The following EBF3 variants were observed in gnomAD, a reference collection of about 807,000 sequenced individuals.
EBF3 encodes the protein transcription factor COE3.
EBF3 carries 18 observed loss-of-function variants against 77.1 expected under a neutral mutation model. The ratio of observed to expected loss-of-function variants is 0.23; its 90% CI spans 0.16 to 0.35. The LOEUF (loss-of-function observed/expected upper bound fraction) is 0.35. Ranked by LOEUF, EBF3 falls within the 10% of genes least tolerant of loss-of-function variation. EBF3 has a pLI of 1.00. For missense variants in EBF3, 558 were observed against 860.0 expected, an observed-to-expected ratio of 0.65 and a Z score of 4.39; for synonymous variants, 350 against 343.5, an observed-to-expected ratio of 1.02 and a Z score of -0.21.
intron 11 of EBF3, chr10:129,845,331 T>C (rs1564819427): frequency 6.6e-6 from 1 of 152,258 alleles, no homozygotes; most frequent in South Asian, 2.1e-4. Context: ...GCCACAACCA[T>C]AAGTGTAATT....
At chr10:129,860,276 A>T (rs1474822400) in intron 10 of EBF3, among the ~76,000 whole-genome samples, 1 of 152,014 alleles carries the variant, frequency 6.6e-6, no homozygotes, top group Middle Eastern at 3.4e-3. Context: ...GAGAAGGACC[A>T]TCGCAAGGTG....
chr10:129,959,966 A>C (rs1169912606), intron 4 of EBF3, among the ~76,000 whole-genome samples: 2 of 152,086 alleles, frequency 1.3e-5, no homozygotes, highest in Non-Finnish European at 1.5e-5. Context: ...GTGGGTTTTG[A>C]GCAGAGGCTC....
chr10:129,900,744 G>T (rs1029332838), intron 6 of EBF3, among the ~76,000 whole-genome samples: 2 of 152,258 alleles, frequency 1.3e-5, no homozygotes, highest in Non-Finnish European at 2.9e-5. Context: ...CGTAGCGGGG[G>T]TGCTCCTGAA....
intron 6 of EBF3, among the ~76,000 whole-genome samples, chr10:129,910,021 C>T (rs1332535445): frequency 6.6e-6 from 1 of 152,240 alleles, no homozygotes; most frequent in Admixed American, 6.5e-5. Flanking sequence ...TCCGCCGACA[C>T]CAGCAGACAG....
chr10:129,872,381 AT>A (rs1465887224), intron 8 of EBF3, among the ~76,000 whole-genome samples: 2 of 151,854 alleles, frequency 1.3e-5, no homozygotes, highest in East Asian at 3.9e-4. Context: ...TTAGTCATTA[AT>A]GTAGAAAAAC....
chr10:129,837,915 T>C lies in EBF3; in HGVS notation c.*28A>G, dbSNP rs190684721. The C allele has an allele frequency of 6.4e-4, 1,031 of 1,614,160 alleles. 12 individuals carry two copies. The East Asian group carries it at 0.017, about 26-fold the overall frequency. Reference sequence around the variant, plus strand: ...CTTTGATGCTGGGTGCTGCGGAAGGTAAACAGAAGTCCCTCACATTGGCGG... The same window carrying C: ...CTTTGATGCTGGGTGCTGCGGAAGGCAAACAGAAGTCCCTCACATTGGCGG... On this transcript the variant is annotated 3_prime_UTR_variant, in exon 17 of 17. Transcript: ENST00000440978.
rs1853477888 is a variant in EBF3 at position 129,885,089 on chromosome 10, A to C, written c.555-7240T>G. ...GTCCCTCCAAAGAGCCTTATCGCTA[A>C]ATTTCTGCTATAATGGTTTTTCTTT... On this transcript the variant is annotated intron_variant, in intron 6 of 16. Transcript: ENST00000440978. This position sits in a 1 kb window ranked among gnomAD's most constrained non-coding sequence, Gnocchi z 4.0. 6.6e-6 allele frequency among the ~76,000 whole-genome samples: 1 copy of C among 152,158 alleles called. No homozygotes were observed. Among genetic ancestry groups the C allele is most frequent in the Non-Finnish European group, 1.5e-5 (1 of 68,032 alleles).
chr10:129,873,437 G>GT lies in EBF3; in HGVS notation c.781+14dup. 1.3e-6 allele frequency: 2 copies of GT among 1,503,102 alleles called. No individual in the cohort carries two copies. The highest frequency in any genetic ancestry group is 2.6e-5 in the South Asian group (2 of 75,740). 93.1% of individuals were successfully genotyped at this position (1,503,102 alleles called of 1,614,324 possible). On this transcript the variant is annotated intron_variant, in intron 8 of 16. Transcript: ENST00000440978. Reference sequence around the variant, plus strand: ...AAGCATCGCAAATAAAAAAAGACATGTAACATGTGCCTACCATTTTCCAGA... The same window carrying GT: ...AAGCATCGCAAATAAAAAAAGACATGTTAACATGTGCCTACCATTTTCCAGA...
intron 6 of EBF3, among the ~76,000 whole-genome samples, chr10:129,893,447 G>A (rs1348051849): frequency 6.6e-6 from 1 of 152,150 alleles, no homozygotes; most frequent in African/African-American, 2.4e-5. Context: ...TGTTCTAAAT[G>A]AATAAATTTG....
chr10:129,860,559 C>G (rs536849999), intron 10 of EBF3, among the ~76,000 whole-genome samples: 20 of 152,162 alleles, frequency 1.3e-4, no homozygotes, highest in African/African-American at 3.1e-4. Context: ...AGCAGCCAAT[C>G]GGGGTGCAGG....
At chr10:129,941,915 AC>A (rs1395490793) in intron 6 of EBF3, among the ~76,000 whole-genome samples, 1 of 152,210 alleles carries the variant, frequency 6.6e-6, no homozygotes, top group Non-Finnish European at 1.5e-5. Flanking sequence ...CCCAATCCAG[AC>A]CCACAAGGGA....
intron 6 of EBF3, among the ~76,000 whole-genome samples, chr10:129,926,039 T>G (rs913509925): frequency 2.0e-5 from 3 of 152,204 alleles, no homozygotes; most frequent in African/African-American, 7.2e-5. Context: ...AGTGTCACAC[T>G]GAAATGCTGA....
chr10:129,877,292 A>G (rs1197668151), intron 7 of EBF3, among the ~76,000 whole-genome samples: 1 of 152,022 alleles, frequency 6.6e-6, no homozygotes, highest in Non-Finnish European at 1.5e-5. Flanking sequence ...GGAGCTTGAG[A>G]CCAGCCTGGA....
At chr10:129,926,326 T>C (rs555624516) in intron 6 of EBF3, among the ~76,000 whole-genome samples, 1 of 152,136 alleles carries the variant, frequency 6.6e-6, no homozygotes, top group South Asian at 2.1e-4. Flanking sequence ...TGAGACCCTG[T>C]GGAGGGACTG....
intron 6 of EBF3, among the ~76,000 whole-genome samples, chr10:129,941,630 A>C (rs1287157058): frequency 2.6e-5 from 4 of 152,208 alleles, no homozygotes; most frequent in Admixed American, 2.6e-4. Context: ...GGAGGTGAGC[A>C]GGCAGAGGTG....
rs555440856 is a variant in EBF3, at chr10:129,943,133, C to T, written c.554+14125G>A. Among the ~76,000 whole-genome samples the T allele has an allele frequency of 6.6e-6, 1 of 152,332 alleles. No individual in the cohort carries two copies. Among genetic ancestry groups the T allele is most frequent in the Non-Finnish European group, 1.5e-5 (1 of 68,022 alleles). Reference sequence around the variant, plus strand: ...CACCGGCTGCTCAAGAAGCCAACAACTTCCTCCACATAAACAAGGCCCGCC... The same window carrying T: ...CACCGGCTGCTCAAGAAGCCAACAATTTCCTCCACATAAACAAGGCCCGCC... On this transcript the variant is annotated intron_variant, in intron 6 of 16. Transcript: ENST00000440978. This position sits in a 1 kb window ranked among gnomAD's most constrained non-coding sequence, Gnocchi z 8.8.
At chr10:129,960,536 ATTTATTTTTTATTTTG>A (rs1435877636) in intron 4 of EBF3, among the ~76,000 whole-genome samples, 1 of 150,518 alleles carries the variant, frequency 6.6e-6, no homozygotes, top group Non-Finnish European at 1.5e-5. Flanking sequence ...TTTATATTTG[ATTTATTTTTTATTTTG>A]TAGCACAAAC....
intron 10 of EBF3, among the ~76,000 whole-genome samples, chr10:129,849,963 TG>T (rs1850743482): frequency 6.6e-6 from 1 of 152,256 alleles, no homozygotes; most frequent in African/African-American, 2.4e-5. Flanking sequence ...AGCGTTGACT[TG>T]GGGGACAATT....
chr10:129,946,100 T>C (rs1361681194), intron 6 of EBF3, among the ~76,000 whole-genome samples: 1 of 151,954 alleles, frequency 6.6e-6, no homozygotes, highest in Non-Finnish European at 1.5e-5. Flanking sequence ...TCACAGGGAA[T>C]AAATCAAAAC....
Sources: gnomAD v4.1 joint callset for allele counts (sites outside exome capture counted in the v4.1 genomes callset) on GRCh38, gnomAD v4.1.1 for gene constraint, Gnocchi (gnomAD v3.1) non-coding constraint, MANE v1.5 for transcripts, NCBI Gene and HGNC (gene_info 2026-07-23, HGNC 2026-07-21) for gene names.